The following SCFD1 variants were observed in gnomAD, a reference collection of about 807,000 sequenced individuals.
The protein encoded by SCFD1 is sec1 family domain-containing protein 1.
SCFD1 carries 37 observed loss-of-function variants against 103.2 expected under a neutral mutation model. That is an observed-to-expected ratio of 0.36 (90% CI 0.28 to 0.47). The LOEUF is 0.47. SCFD1 is among the 20% of genes least tolerant of loss of function. The pLI, the probability that SCFD1 is intolerant of heterozygous loss-of-function variation, is 1.00. For missense variants in SCFD1, 639 were observed against 761.2 expected (o/e 0.84, Z 1.89); for synonymous variants, 264 against 245.0 (o/e 1.08, Z -0.73).
chr14:30,683,314 A>C, intron 14 of SCFD1: 4 of 696,098 alleles, frequency 5.7e-6, no homozygotes, highest in Non-Finnish European at 9.6e-6. Flanking sequence ...GAGGAATTTC[A>C]CCTGGGTGCA....
At chr14:30,635,551 G>A (rs1044432249) in intron 4 of SCFD1, among the ~76,000 whole-genome samples, 10 of 152,070 alleles carry the variant, frequency 6.6e-5, no homozygotes, top group Non-Finnish European at 1.2e-4. Context: ...TTAGCATAAT[G>A]TTTCCAAGGT....
At chr14:30,734,887 G>A in intron 24 of SCFD1, 29 bp downstream of exon 24, 1 of 1,506,088 alleles carries the variant, frequency 6.6e-7, no homozygotes, top group Non-Finnish European at 9.2e-7. Flanking sequence ...GTTTGTTTCT[G>A]TTAACATACC....
intron 14 of SCFD1, among the ~76,000 whole-genome samples, chr14:30,693,964 T>G (rs1015388053): frequency 2.6e-5 from 4 of 152,192 alleles, no homozygotes; most frequent in Non-Finnish European, 5.9e-5. Flanking sequence ...CAACAAAATT[T>G]TCAATTAGGA....
At chr14:30,734,041 TCA>T (rs1251145970) in intron 23 of SCFD1, among the ~76,000 whole-genome samples, 4 of 152,230 alleles carry the variant, frequency 2.6e-5, no homozygotes, top group Non-Finnish European at 4.4e-5. Flanking sequence ...TTATTTATTC[TCA>T]GAGATGGCCA....
intron 1 of SCFD1, among the ~76,000 whole-genome samples, chr14:30,626,792 C>T (rs1006172749): frequency 7.9e-5 from 12 of 152,018 alleles, no homozygotes; most frequent in African/African-American, 1.2e-4. Flanking sequence ...AATAAGGGTT[C>T]GGCACAACAG....
At chr14:30,735,111 C>T (rs1893747963) in intron 24 of SCFD1, 2 of 388,524 alleles carry the variant, frequency 5.1e-6, no homozygotes, top group Admixed American at 4.1e-5. Flanking sequence ...TTTAGAAATA[C>T]AAAAATATAT....
Position 30,675,015 on chromosome 14 carries a change from C to G in SCFD1, c.1192C>G (p.Leu398Val), listed in dbSNP as rs1566622271. The change falls in exon 14 of 25, where the codon CTT becomes GTT. Residue 398 changes from leucine (L) to valine (V), a missense_variant. Transcript: ENST00000458591. ...GCCAGAACTCCTTGAGAAAAAAAGACTTATTGATCTCCATACAAATGTTGC... is the reference window on the plus strand; with the variant it reads ...GCCAGAACTCCTTGAGAAAAAAAGAGTTATTGATCTCCATACAAATGTTGC... ...SLPELLEKKR[L>V]IDLHTNVATA... 6.3e-7 allele frequency: 1 copy of G among 1,589,000 alleles called. No individual in the cohort carries two copies. Among genetic ancestry groups the G allele is most frequent in the Non-Finnish European group, 8.5e-7 (1 of 1,169,978 alleles).
At chr14:30,735,147 A>G in intron 24 of SCFD1, 1 of 332,246 alleles carries the variant, frequency 3.0e-6, no homozygotes, top group Non-Finnish European at 5.5e-6. Context: ...TGTGTCACTC[A>G]TGACATTTCT....
At chr14:30,735,136 G>T in intron 24 of SCFD1, 1 of 356,558 alleles carries the variant, frequency 2.8e-6, no homozygotes, top group Non-Finnish European at 5.1e-6. Flanking sequence ...ACTGTCAGTA[G>T]TGTGTCACTC....
rs1225655910 is a variant in SCFD1 at position 30,625,755 on chromosome 14, A to G, written c.62-2454A>G. Among the ~76,000 whole-genome samples the G allele has an allele frequency of 2.6e-5, 4 of 151,334 alleles. 1 individual carries two copies. Among genetic ancestry groups the G allele is most frequent in the Admixed American group, 2.6e-4 (4 of 15,190 alleles). Reference sequence around the variant, plus strand: ...TATCAATAGGTATATTGATATAGGTAAAAGGTATATCAAAATACCTTTTAA... The same window carrying G: ...TATCAATAGGTATATTGATATAGGTGAAAGGTATATCAAAATACCTTTTAA... On this transcript the variant is annotated intron_variant, in intron 1 of 24. Transcript: ENST00000458591.
chr14:30,694,122 A>G (rs990595068), intron 14 of SCFD1, among the ~76,000 whole-genome samples: 57 of 152,222 alleles, frequency 3.7e-4, no homozygotes, highest in African/African-American at 1.4e-3. Flanking sequence ...AGTTAAGGTG[A>G]ATATATGTGG....
At chr14:30,667,107 G>A (rs1484805715) in intron 10 of SCFD1, among the ~76,000 whole-genome samples, 2 of 152,076 alleles carry the variant, frequency 1.3e-5, no homozygotes, top group Non-Finnish European at 2.9e-5. Flanking sequence ...AACAAAAAAC[G>A]AGAATTTTAG....
chr14:30,649,089 G>A (rs1298428953), intron 7 of SCFD1, among the ~76,000 whole-genome samples: 1 of 151,958 alleles, frequency 6.6e-6, no homozygotes, highest in African/African-American at 2.4e-5. Context: ...TATAAAAATA[G>A]TTTTCTTCTG....
chr14:30,698,896 A>G (rs1051203738), intron 15 of SCFD1, among the ~76,000 whole-genome samples: 1 of 152,172 alleles, frequency 6.6e-6, no homozygotes, highest in Non-Finnish European at 1.5e-5. Flanking sequence ...TCAAAGACTG[A>G]GAGGGGAAGA....
chr14:30,644,405 G>A (rs1333886470), intron 7 of SCFD1, among the ~76,000 whole-genome samples: 1 of 152,216 alleles, frequency 6.6e-6, no homozygotes, highest in Admixed American at 6.5e-5. Flanking sequence ...TCTGTTTTAA[G>A]TTCTTTGAGA....
intron 10 of SCFD1, among the ~76,000 whole-genome samples, chr14:30,667,217 T>G (rs937666419): frequency 2.6e-5 from 4 of 152,066 alleles, no homozygotes; most frequent in African/African-American, 9.7e-5. Context: ...ACAAACAAGT[T>G]GGCTTCATCC....
rs1887746178 is a variant in SCFD1 at position 30,664,530 on chromosome 14, A to G, written c.856-5726A>G. On this transcript the variant is annotated intron_variant, in intron 10 of 24. Transcript: ENST00000458591. ...GCAGCTCCTCGCCAGCAACGGAACA[A>G]AGCTGGACGGAGAATGATGAGTTGA... Among the ~76,000 whole-genome samples, 3 of 152,168 alleles carry G rather than the reference A, an allele frequency of 2.0e-5. No individual in the cohort carries two copies. The South Asian group carries it at 6.2e-4, about 32-fold the overall frequency.
rs990675700 is a variant in SCFD1, at chr14:30,677,131, A to G, written c.1242+2066A>G. 5.9e-5 allele frequency among the ~76,000 whole-genome samples: 9 copies of G among 152,264 alleles called. No individual in the cohort carries two copies. In the East Asian group the frequency reaches 1.7e-3, roughly 29 times the overall value. Reference sequence around the variant, plus strand: ...AACTAATCTGTCATTCAAGATATTGAGTGATTTTATGTAAAAGATAGATTT... The same window carrying G: ...AACTAATCTGTCATTCAAGATATTGGGTGATTTTATGTAAAAGATAGATTT... On this transcript the variant is annotated intron_variant, in intron 14 of 24. Coordinates refer to ENST00000458591, the MANE Select transcript of SCFD1 (RefSeq NM_016106.4).
chr14:30,702,370 G>A lies in SCFD1; in HGVS notation c.1485G>A (p.Gln495=). Residue 495 remains glutamine (Q), a synonymous_variant, in exon 17 of 25, where the codon CAG becomes CAA. Transcript: ENST00000458591. ...CNLNPLQYIK[Q]WKAFTKMASA... ...TTAATCCTTTACAATATATCAAACA[G>A]TGGAAGTAAGTTTTATTTTCTTCTT... 2 of 1,553,962 alleles carry A rather than the reference G, an allele frequency of 1.3e-6. No homozygotes were observed. The highest frequency in any genetic ancestry group is 1.2e-5 in the South Asian group (1 of 82,040).
Sources: gnomAD v4.1 joint callset for allele counts (sites outside exome capture counted in the v4.1 genomes callset) on GRCh38, gnomAD v4.1.1 for gene constraint, MANE v1.5 for transcripts, NCBI Gene and HGNC (gene_info 2026-07-23, HGNC 2026-07-21) for gene names.